Variants in SGMS1 observed in about 807,000 individuals in gnomAD.
SGMS1 encodes the protein sphingomyelin synthase 1, also known as phosphatidylcholine:ceramide cholinephosphotransferase 1.
Under a neutral mutation model 46.2 loss-of-function variants are expected in SGMS1, and 13 were observed. The ratio of observed to expected loss-of-function variants is 0.28; its 90% CI spans 0.18 to 0.45. The LOEUF is 0.45. Among genes scored for constraint, SGMS1 ranks in the 20% least tolerant of loss-of-function variants. SGMS1 has a pLI of 1.00. For synonymous variants in SGMS1, 203 were observed against 187.8 expected (o/e 1.08, Z -0.66); for missense variants, 324 against 519.9 (o/e 0.62, Z 3.66).
chr10:50,356,973 C>T (rs1372506874), intron 6 of SGMS1, among the ~76,000 whole-genome samples: 4 of 151,520 alleles, frequency 2.6e-5, no homozygotes, highest in Admixed American at 1.3e-4. Context: ...TGCTAAATGA[C>T]GAGTTAATGG....
chr10:50,533,544 G>T (rs1837974058), intron 2 of SGMS1, among the ~76,000 whole-genome samples: 1 of 152,022 alleles, frequency 6.6e-6, no homozygotes, highest in African/African-American at 2.4e-5. Flanking sequence ...ATAAGAAATA[G>T]GAAGTTTCAG....
chr10:50,379,223 A>C (rs1274091659), intron 6 of SGMS1, among the ~76,000 whole-genome samples: 1 of 152,158 alleles, frequency 6.6e-6, no homozygotes, highest in Non-Finnish European at 1.5e-5. Context: ...TGTGTTCAAA[A>C]GTGCAGCCCT....
chr10:50,624,814 G>A, upstream of SGMS1: 1 of 986,548 alleles, frequency 1.0e-6, no homozygotes, highest in African/African-American at 1.7e-5. Context: ...TCCCTGGCCG[G>A]CCCGCGCCGC....
chr10:50,352,027 C>G (rs977466190), intron 6 of SGMS1, among the ~76,000 whole-genome samples: 1 of 152,072 alleles, frequency 6.6e-6, no homozygotes, highest in Admixed American at 6.5e-5. Flanking sequence ...TTCTGACCCA[C>G]GAGTAAAGAG....
chr10:50,408,619 G>T (rs1208684917), intron 6 of SGMS1, among the ~76,000 whole-genome samples: 1 of 151,986 alleles, frequency 6.6e-6, no homozygotes, highest in Non-Finnish European at 1.5e-5. Context: ...GGAGGCAGAG[G>T]TTGCAGTGAG....
In SGMS1 at chr10:50,314,255, T is replaced by C. The variant is rs533200108; in HGVS notation, c.742-2840A>G. ...CTTAAAAGAAAAAAGAGTGAGCTAA[T>C]GGTGAGGCAAGCACAAGGACGGCGA... On this transcript the variant is annotated intron_variant, in intron 8 of 10. Coordinates refer to ENST00000361781, the MANE Select transcript of SGMS1 (RefSeq NM_147156.4). 1.9e-4 allele frequency among the ~76,000 whole-genome samples: 29 copies of C among 151,978 alleles called. 1 individual carries two copies. Among genetic ancestry groups the C allele is most frequent in the African/African-American group, 6.3e-4 (26 of 41,454 alleles).
chr10:50,537,993 A>G (rs959732836), intron 2 of SGMS1, among the ~76,000 whole-genome samples: 31 of 152,244 alleles, frequency 2.0e-4, no homozygotes, highest in African/African-American at 7.2e-4. Context: ...AGGCACTGCT[A>G]CTCAGGAGGC....
intron 2 of SGMS1, among the ~76,000 whole-genome samples, chr10:50,538,670 G>A (rs1476849880): frequency 6.6e-6 from 1 of 152,080 alleles, no homozygotes; most frequent in Non-Finnish European, 1.5e-5. Flanking sequence ...CAGAGGAGAG[G>A]GATGACACCA....
chr10:50,598,674 G>A (rs1838619557), intron 1 of SGMS1, among the ~76,000 whole-genome samples: 2 of 152,054 alleles, frequency 1.3e-5, no homozygotes, highest in Non-Finnish European at 2.9e-5. Context: ...GAGGCTCTAA[G>A]AAGTACTGAG....
chr10:50,571,142 A>C (rs1229033324), intron 2 of SGMS1, among the ~76,000 whole-genome samples: 2 of 152,236 alleles, frequency 1.3e-5, no homozygotes, highest in East Asian at 3.8e-4. Context: ...ACTAGCAAGA[A>C]ATAGAATAAC....
chr10:50,345,216 G>GC lies in SGMS1; in HGVS notation c.-231-872dup, dbSNP rs397966192. ...TACAAATGCCGCTGCTTGGGTTGAAGCCCATGTGAAGGGCCAAGGTCCTGA... is the reference window on the plus strand; with the variant it reads ...TACAAATGCCGCTGCTTGGGTTGAAGCCCCATGTGAAGGGCCAAGGTCCTGA... On this transcript the variant is annotated intron_variant, in intron 6 of 10. Transcript: ENST00000361781. Among the ~76,000 whole-genome samples, 497 of 151,978 alleles carry GC rather than the reference G, an allele frequency of 3.3e-3. 1 individual carries two copies. The highest frequency in any genetic ancestry group is 0.014 in the Middle Eastern group (4 of 294).
At chr10:50,527,315 C>A (rs1359531035) in intron 2 of SGMS1, among the ~76,000 whole-genome samples, 2 of 152,156 alleles carry the variant, frequency 1.3e-5, no homozygotes, top group African/African-American at 4.8e-5. Context: ...TCCCCATATG[C>A]CAGGCAGTGC....
Position 50,426,655 on chromosome 10 carries a change from G to A in SGMS1, c.-232+6821C>T, listed in dbSNP as rs375659138. On this transcript the variant is annotated intron_variant, in intron 6 of 10. Transcript: ENST00000361781. The stretch of plus-strand genomic sequence containing the variant: ...CCCTGTGCCTTTTGACATCAAAGTA[G>A]AATTGTGGTCAGAAGTAATGAAACA... 2.0e-4 allele frequency among the ~76,000 whole-genome samples: 29 copies of A among 147,768 alleles called. No individual in the cohort carries two copies. The South Asian group carries it at 5.7e-3, about 29-fold the overall frequency.
intron 6 of SGMS1, among the ~76,000 whole-genome samples, chr10:50,351,043 AC>A (rs1269061007): frequency 2.0e-5 from 3 of 152,140 alleles, no homozygotes; most frequent in Non-Finnish European, 4.4e-5. Flanking sequence ...GGGAGGCTGT[AC>A]CCTGCAAAGC....
intron 1 of SGMS1, among the ~76,000 whole-genome samples, chr10:50,613,310 G>A (rs921335937): frequency 2.0e-5 from 3 of 152,158 alleles, no homozygotes; most frequent in African/African-American, 7.2e-5. Flanking sequence ...CTTTGATACT[G>A]TACTCACTAC....
intron 8 of SGMS1, among the ~76,000 whole-genome samples, chr10:50,321,785 C>T (rs533378263): frequency 9.9e-5 from 15 of 152,272 alleles, no homozygotes; most frequent in Admixed American, 3.3e-4. Context: ...CTGGAATACT[C>T]TAACTGCTAC....
intron 1 of SGMS1, among the ~76,000 whole-genome samples, chr10:50,593,480 T>C (rs1021046829): frequency 6.6e-6 from 1 of 152,238 alleles, no homozygotes; most frequent in Admixed American, 6.5e-5. Flanking sequence ...CTCATGTACC[T>C]AATACCAGTG....
At chr10:50,536,230 G>T (rs1838000577) in intron 2 of SGMS1, among the ~76,000 whole-genome samples, 1 of 152,120 alleles carries the variant, frequency 6.6e-6, no homozygotes, top group Non-Finnish European at 1.5e-5. Flanking sequence ...CTACTCAGGA[G>T]AATGAGGTGG....
intron 6 of SGMS1, among the ~76,000 whole-genome samples, chr10:50,388,773 T>G (rs982229694): frequency 1.3e-5 from 2 of 152,154 alleles, no homozygotes; most frequent in Non-Finnish European, 2.9e-5. Context: ...TTAAATAACC[T>G]ACTACATAAA....
Sources: gnomAD v4.1 joint callset for allele counts (sites outside exome capture counted in the v4.1 genomes callset) on GRCh38, gnomAD v4.1.1 for gene constraint, MANE v1.5 for transcripts, NCBI Gene and HGNC (gene_info 2026-07-23, HGNC 2026-07-21) for gene names.